Variants in PDE4D observed in about 807,000 individuals in gnomAD.
PDE4D encodes the protein phosphodiesterase 4D.
In PDE4D, 24 loss-of-function variants were observed where a neutral mutation model predicts 87.4. That is an observed-to-expected ratio of 0.27 (90% confidence interval 0.20 to 0.39). The LOEUF (loss-of-function observed/expected upper bound fraction) is 0.39. PDE4D is among the 10% of genes least tolerant of loss of function. PDE4D has a pLI of 1.00. For synonymous variants in PDE4D, 384 were observed against 383.2 expected, an observed-to-expected ratio of 1.00 and a Z score of -0.02; for missense variants, 714 against 1,041.0, an observed-to-expected ratio of 0.69 and a Z score of 4.32.
At chr5:59,967,184 G>T (rs1220979818) in intron 3 of PDE4D, among the ~76,000 whole-genome samples, 1 of 152,042 alleles carries the variant, frequency 6.6e-6, no homozygotes, top group Non-Finnish European at 1.5e-5. Context: ...TGTCAGCAGG[G>T]CCTTCTTCAG....
chr5:58,971,032 C>G lies in PDE4D; in HGVS notation c.*3632G>C, dbSNP rs1294312900. 1 of 152,076 alleles carries G rather than the reference C, an allele frequency of 6.6e-6. No homozygotes were observed. The highest frequency in any genetic ancestry group is 2.4e-5 in the African/African-American group (1 of 41,410). The allele number at this position is 152,076 out of a possible 1,614,324, so 9.4% of individuals were successfully genotyped here. A position where few individuals can be genotyped will look rare whatever the true frequency, so the allele number is the denominator to read the frequency against. Reference sequence around the variant, plus strand: ...GCAAGAAGTACTTAAGAGCTTCTGTCTCAAAAGGGTCTCAGAATCTTTCAG... The same window carrying G: ...GCAAGAAGTACTTAAGAGCTTCTGTGTCAAAAGGGTCTCAGAATCTTTCAG... On this transcript the variant is annotated 3_prime_UTR_variant, in exon 15 of 15. Transcript: ENST00000340635.
chr5:59,630,071 T>C (rs1384831092), intron 1 of PDE4D, among the ~76,000 whole-genome samples: 1 of 152,236 alleles, frequency 6.6e-6, no homozygotes, highest in Non-Finnish European at 1.5e-5. Context: ...AAAGGTGTCT[T>C]ATTTGGCTTT....
At chr5:59,654,954 C>T (rs918018719) in intron 1 of PDE4D, among the ~76,000 whole-genome samples, 1 of 152,122 alleles carries the variant, frequency 6.6e-6, no homozygotes, top group East Asian at 1.9e-4. Flanking sequence ...GTTTATCCAT[C>T]AGCTGATGGC....
intron 1 of PDE4D, chr5:59,275,452 A>G: frequency 6.3e-7 from 1 of 1,583,886 alleles, no homozygotes; most frequent in Non-Finnish European, 8.5e-7. Flanking sequence ...TCTGATTAAT[A>G]CATTCTAACT....
intron 5 of PDE4D, among the ~76,000 whole-genome samples, chr5:59,168,374 A>G (rs902300098): frequency 3.9e-5 from 6 of 152,144 alleles, no homozygotes; most frequent in Non-Finnish European, 7.4e-5. Flanking sequence ...GAAACACCCC[A>G]TCTGCCTGAC....
chr5:59,998,893 T>A lies in PDE4D; in HGVS notation c.43-10176A>T, dbSNP rs181401289. Reference sequence around the variant, plus strand: ...TACTAGCTATTGGGAAGAGAACAATTATATAAGTGTTAGGAAAGTGACTAT... The same window carrying A: ...TACTAGCTATTGGGAAGAGAACAATAATATAAGTGTTAGGAAAGTGACTAT... On this transcript the variant is annotated intron_variant, in intron 2 of 16. Coordinates refer to the PDE4D transcript ENST00000502484. Among the ~76,000 whole-genome samples the A allele has an allele frequency of 1.7e-4, 26 of 152,196 alleles. 2 individuals are homozygous for A. In the East Asian group the frequency reaches 2.1e-3, roughly 12 times the overall value.
At chr5:59,379,352 T>C (rs1785320587) in intron 1 of PDE4D, among the ~76,000 whole-genome samples, 1 of 152,186 alleles carries the variant, frequency 6.6e-6, no homozygotes, top group South Asian at 2.1e-4. Flanking sequence ...ATAATACTTA[T>C]TTTTTATGAC....
chr5:59,081,004 A>G (rs1367166992), intron 5 of PDE4D, among the ~76,000 whole-genome samples: 1 of 152,180 alleles, frequency 6.6e-6, no homozygotes, highest in African/African-American at 2.4e-5. Flanking sequence ...GACACTTCTA[A>G]TCAAACATGA....
chr5:59,860,524 T>G (rs1746107431), intron 1 of PDE4D, among the ~76,000 whole-genome samples: 1 of 152,204 alleles, frequency 6.6e-6, no homozygotes, highest in Non-Finnish European at 1.5e-5. Flanking sequence ...ACATTTGTGC[T>G]AATTGCTGAG....
chr5:59,010,991 C>T (rs575287752), intron 6 of PDE4D, among the ~76,000 whole-genome samples: 3 of 152,224 alleles, frequency 2.0e-5, no homozygotes, highest in Admixed American at 6.5e-5. Context: ...GCAATATTTG[C>T]GGTTCGGCAG....
chr5:60,332,573 A>G (rs1221400326), intron 1 of PDE4D, among the ~76,000 whole-genome samples: 1 of 152,210 alleles, frequency 6.6e-6, no homozygotes, highest in African/African-American at 2.4e-5. Context: ...CCACAGGGAA[A>G]TGGAAGTTAT....
chr5:59,534,419 A>G (rs1814778123), intron 1 of PDE4D, among the ~76,000 whole-genome samples: 1 of 152,210 alleles, frequency 6.6e-6, no homozygotes, highest in South Asian at 2.1e-4. Flanking sequence ...GTTATAATAA[A>G]GGTGAAGCAA....
intron 1 of PDE4D, among the ~76,000 whole-genome samples, chr5:60,469,346 TCCC>T (rs552513625): frequency 3.9e-4 from 60 of 152,210 alleles, no homozygotes; most frequent in African/African-American, 1.4e-3. Flanking sequence ...AGTCACCAGC[TCCC>T]CTTCATCTTC....
At chr5:59,385,692 G>A (rs1582293253) in intron 1 of PDE4D, among the ~76,000 whole-genome samples, 1 of 151,960 alleles carries the variant, frequency 6.6e-6, no homozygotes, top group East Asian at 1.9e-4. Context: ...TTGATAAACG[G>A]GAAGGAGATA....
At chr5:60,304,830 A>T (rs1021252326) in intron 1 of PDE4D, among the ~76,000 whole-genome samples, 4 of 151,996 alleles carry the variant, frequency 2.6e-5, no homozygotes, top group Non-Finnish European at 2.9e-5. Context: ...TTAAATAAAA[A>T]TTAACAGAAA....
chr5:59,299,902 G>A (rs1769853652), intron 1 of PDE4D, among the ~76,000 whole-genome samples: 1 of 152,104 alleles, frequency 6.6e-6, no homozygotes, highest in East Asian at 1.9e-4. Context: ...CTGAGGTCAG[G>A]AGTTTCAGAC....
At chr5:59,368,980 A>G (rs768032915) in intron 1 of PDE4D, among the ~76,000 whole-genome samples, 1 of 152,232 alleles carries the variant, frequency 6.6e-6, no homozygotes, top group Non-Finnish European at 1.5e-5. Context: ...TAACCGCTAC[A>G]AGGTTTTCCA....
chr5:59,165,780 A>G (rs1781836853), intron 5 of PDE4D, among the ~76,000 whole-genome samples: 3 of 152,198 alleles, frequency 2.0e-5, no homozygotes, highest in Non-Finnish European at 4.4e-5. Context: ...ATTTTATAAC[A>G]TAGTTTGGTA....
At chr5:59,715,899 G>C (rs1276180013) in intron 1 of PDE4D, among the ~76,000 whole-genome samples, 2 of 152,170 alleles carry the variant, frequency 1.3e-5, no homozygotes. Context: ...TCTGGGTCTG[G>C]GGTTCCACCC....
Sources: allele counts gnomAD v4.1 joint callset (sites outside exome capture counted in the v4.1 genomes callset), GRCh38; gene constraint gnomAD v4.1.1; transcripts MANE v1.5; gene names NCBI Gene and HGNC (gene_info 2026-07-23, HGNC 2026-07-21).